Variants in ANKRD11 observed in about 807,000 individuals in gnomAD.
The protein encoded by ANKRD11 is ankyrin repeat domain 11.
ANKRD11 carries 17 observed loss-of-function variants against 195.7 expected under a neutral mutation model. The ratio of observed to expected loss-of-function variants is 0.09; its 90% CI spans 0.06 to 0.13. ANKRD11 has a LOEUF of 0.13. Ranked by LOEUF, ANKRD11 falls within the 10% of genes least tolerant of loss-of-function variation. ANKRD11 has a pLI of 1.00. For missense variants in ANKRD11, 3,735 were observed against 3,566.1 expected (o/e 1.05, Z -1.21); for synonymous variants, 1,953 against 1,528.1 (o/e 1.28, Z -6.49).
chr16:89,329,635 A>G (rs1382378654), intron 2 of ANKRD11, among the ~76,000 whole-genome samples: 2 of 149,890 alleles, frequency 1.3e-5, no homozygotes, highest in African/African-American at 2.5e-5. Context: ...AAGTAAAAAA[A>G]CAGTATGAGG....
At chr16:89,444,294 AG>A (rs920777589) in intron 1 of ANKRD11, among the ~76,000 whole-genome samples, 4 of 152,158 alleles carry the variant, frequency 2.6e-5, no homozygotes, top group African/African-American at 9.7e-5. Flanking sequence ...TCCTGCCCAA[AG>A]CCCACTCTAG....
intron 1 of ANKRD11, among the ~76,000 whole-genome samples, chr16:89,462,985 G>A (rs1178810968): frequency 8.7e-5 from 13 of 149,532 alleles, no homozygotes; most frequent in Admixed American, 3.3e-4. Context: ...CAGCCGCCCC[G>A]TCCGGGAGGG....
intron 2 of ANKRD11, among the ~76,000 whole-genome samples, chr16:89,357,860 G>A (rs2039557701): frequency 6.6e-6 from 1 of 152,256 alleles, no homozygotes; most frequent in Non-Finnish European, 1.5e-5. Flanking sequence ...CAGGGTGCTG[G>A]CTGCCCCTTT....
intron 4 of ANKRD11, among the ~76,000 whole-genome samples, chr16:89,296,368 C>A (rs910522416): frequency 2.6e-5 from 4 of 152,150 alleles, no homozygotes; most frequent in African/African-American, 7.2e-5. Context: ...AAGCTGCATT[C>A]TCTCCTCCAC....
chr16:89,281,271 G>T lies in ANKRD11; in HGVS notation c.5271C>A (p.Ser1757=), dbSNP rs1051158762. The change falls in exon 9 of 13, where the codon TCC becomes TCA. Residue 1757 remains serine, a synonymous_variant. Coordinates refer to ENST00000301030, the MANE Select transcript of ANKRD11 (RefSeq NM_013275.6). This position sits in a 1 kb window ranked among gnomAD's most constrained non-coding sequence, Gnocchi z 5.5. The part of the protein sequence containing the change: ...PVPTAPTSAC[S]PSFFDRFSVA... ...CGGAGAACCTGTCGAAAAAGGAGGG[G>T]GAGCAGGCGCTGGTGGGAGCGGTGG... 1 of 1,614,258 alleles carries T rather than the reference G, an allele frequency of 6.2e-7. No homozygotes were observed. Among genetic ancestry groups the T allele is most frequent in the Non-Finnish European group, 8.5e-7 (1 of 1,180,044 alleles).
In ANKRD11 at chr16:89,452,821, T is replaced by C. The variant is rs900198477; in HGVS notation, c.-144-34453A>G. Among the ~76,000 whole-genome samples, 115 of 152,044 alleles carry C rather than the reference T, an allele frequency of 7.6e-4. 1 individual carries two copies. Among genetic ancestry groups the C allele is most frequent in the African/African-American group, 2.7e-3 (113 of 41,486 alleles). On this transcript the variant is annotated intron_variant, in intron 1 of 12. Coordinates refer to ENST00000301030, the MANE Select transcript of ANKRD11 (RefSeq NM_013275.6). ...AAAAAAGAATACTTTGATGGTATCTTTGAAAGTTAAGAGGTCCTATTCCCC... is the reference window on the plus strand; with the variant it reads ...AAAAAAGAATACTTTGATGGTATCTCTGAAAGTTAAGAGGTCCTATTCCCC...
At chr16:89,375,584 C>T (rs1267949696) in intron 2 of ANKRD11, among the ~76,000 whole-genome samples, 4 of 152,012 alleles carry the variant, frequency 2.6e-5, no homozygotes, top group African/African-American at 7.2e-5. Context: ...CTCAGCCTCC[C>T]GAGTGATTAC....
intron 2 of ANKRD11, chr16:89,324,042 G>C: frequency 4.3e-6 from 1 of 232,074 alleles, no homozygotes. Flanking sequence ...GGTAGAGACA[G>C]GGTTTCACCA....
At chr16:89,275,647 A>G (rs1486620552) in intron 9 of ANKRD11, among the ~76,000 whole-genome samples, 3 of 152,188 alleles carry the variant, frequency 2.0e-5, no homozygotes, top group Non-Finnish European at 4.4e-5. Flanking sequence ...ATGAAAGCTG[A>G]CAACCGAGCC....
chr16:89,461,288 A>G (rs918243435), intron 1 of ANKRD11, among the ~76,000 whole-genome samples: 2 of 147,540 alleles, frequency 1.4e-5, no homozygotes, highest in African/African-American at 5.0e-5. Flanking sequence ...GGGGAGAGGG[A>G]TGAAGAGTTA....
chr16:89,305,379 C>A (rs2036125903), intron 3 of ANKRD11, 35 bp from the exon 4 acceptor site: 3 of 1,613,432 alleles, frequency 1.9e-6, no homozygotes, highest in Middle Eastern at 1.6e-4. Flanking sequence ...GTCGTGATGT[C>A]CAAATTACAT....
At chr16:89,419,432 G>T (rs1039974986) in intron 1 of ANKRD11, among the ~76,000 whole-genome samples, 13 of 149,148 alleles carry the variant, frequency 8.7e-5, no homozygotes, top group African/African-American at 3.2e-4. Flanking sequence ...CAGCCTGGGT[G>T]ACAGAGCGAA....
chr16:89,485,153 C>A (rs575483031), intron 1 of ANKRD11, among the ~76,000 whole-genome samples: 1 of 152,008 alleles, frequency 6.6e-6, no homozygotes, highest in African/African-American at 2.4e-5. Context: ...CACTGAAAAC[C>A]CTCTTAACCC....
chr16:89,295,569 C>T (rs1334567203), intron 4 of ANKRD11, among the ~76,000 whole-genome samples: 5 of 152,236 alleles, frequency 3.3e-5, no homozygotes, highest in East Asian at 3.9e-4. Flanking sequence ...TGCTGGAGCA[C>T]GGCCTTGGCC....
At chr16:89,392,128 GACACAGCAGTTGGTATAAAA>G (rs1373473119) in intron 2 of ANKRD11, among the ~76,000 whole-genome samples, 4 of 152,164 alleles carry the variant, frequency 2.6e-5, no homozygotes, top group Non-Finnish European at 4.4e-5. Flanking sequence ...ATGGAAACCG[GACACAGCAGTTGGTATAAAA>G]AAACCGGACA....
chr16:89,335,258 C>T (rs1256829482), intron 2 of ANKRD11, among the ~76,000 whole-genome samples: 2 of 152,190 alleles, frequency 1.3e-5, no homozygotes, highest in Non-Finnish European at 2.9e-5. Flanking sequence ...TCACACCACC[C>T]CTGTTCCCAG....
intron 2 of ANKRD11, among the ~76,000 whole-genome samples, chr16:89,406,732 T>A (rs993389083): frequency 1.6e-4 from 24 of 152,104 alleles, no homozygotes; most frequent in African/African-American, 4.8e-4. Flanking sequence ...CAGTGCCTCC[T>A]TCACGCTGAT....
rs149030943 is a variant in ANKRD11 at position 89,375,424 on chromosome 16, C to T, written c.-60+42860G>A. Among the ~76,000 whole-genome samples the T allele has an allele frequency of 3.5e-4, 53 of 151,948 alleles. No individual in the cohort carries two copies. The East Asian group carries it at 8.9e-3, about 26-fold the overall frequency. On this transcript the variant is annotated intron_variant, in intron 2 of 12. Coordinates refer to ENST00000301030, the MANE Select transcript of ANKRD11 (RefSeq NM_013275.6). ...CACTATGGTCATGCCTGTGACAAGC[C>T]GCTGCGCTCCCGCCCAGGCAACACA... is the stretch of plus-strand genomic sequence containing the variant.
intron 2 of ANKRD11, among the ~76,000 whole-genome samples, chr16:89,396,538 ATTT>A (rs540555214): frequency 5.9e-4 from 88 of 150,330 alleles, no homozygotes; most frequent in African/African-American, 2.1e-3. Context: ...TTCCCACTAG[ATTT>A]TTTTTTTGTA....
Sources: allele counts gnomAD v4.1 joint callset (sites outside exome capture counted in the v4.1 genomes callset), GRCh38; gene constraint gnomAD v4.1.1; non-coding constraint Gnocchi (gnomAD v3.1); transcripts MANE v1.5; gene names NCBI Gene and HGNC (gene_info 2026-07-23, HGNC 2026-07-21).